The following ANO10 variants were observed in gnomAD, a reference collection of about 807,000 sequenced individuals.
ANO10 encodes the protein anoctamin 10, also known as anoctamin-10.
Under a neutral mutation model 74.7 loss-of-function variants are expected in ANO10, and 77 were observed. The ratio of observed to expected loss-of-function variants is 1.03; its 90% CI spans 0.86 to 1.25. The LOEUF is 1.25. Among genes scored for constraint, ANO10 ranks in the 50% most tolerant of loss-of-function variants. The pLI is 0.00. For synonymous variants in ANO10, 279 were observed against 284.9 expected, an observed-to-expected ratio of 0.98 and a Z score of 0.21; for missense variants, 721 against 778.1, an observed-to-expected ratio of 0.93 and a Z score of 0.87.
intron 4 of ANO10, among the ~76,000 whole-genome samples, chr3:43,595,794 T>C (rs765962839): frequency 7.2e-5 from 11 of 152,150 alleles, no homozygotes; most frequent in Non-Finnish European, 1.0e-4. Context: ...ATAAAGGGTA[T>C]TCAATTAGGA....
intron 12 of ANO10, among the ~76,000 whole-genome samples, chr3:43,414,955 C>T (rs1033697435): frequency 7.0e-6 from 1 of 143,588 alleles, no homozygotes; most frequent in Non-Finnish European, 1.5e-5. Flanking sequence ...TATGGTTGTT[C>T]CTGTCATTGT....
At chr3:43,584,463 G>A (rs746229168) in intron 4 of ANO10, among the ~76,000 whole-genome samples, 46 of 152,164 alleles carry the variant, frequency 3.0e-4, no homozygotes, top group Admixed American at 2.0e-3. Flanking sequence ...AGGGAGAGCC[G>A]ACCACGCAGC....
At chr3:43,593,322 T>C (rs2081901358) in intron 4 of ANO10, among the ~76,000 whole-genome samples, 1 of 152,026 alleles carries the variant, frequency 6.6e-6, no homozygotes, top group African/African-American at 2.4e-5. Flanking sequence ...TTCACCAAAG[T>C]TGAAATGAAG....
chr3:43,413,826 C>T (rs2092699902), intron 12 of ANO10, among the ~76,000 whole-genome samples: 1 of 151,662 alleles, frequency 6.6e-6, no homozygotes, highest in Non-Finnish European at 1.5e-5. Flanking sequence ...ACCTTGCCTG[C>T]TGTTACCAGG....
chr3:43,473,943 G>A (rs183547677), intron 11 of ANO10, among the ~76,000 whole-genome samples: 125 of 152,296 alleles, frequency 8.2e-4, no homozygotes, highest in African/African-American at 2.8e-3. Context: ...TGACAACACA[G>A]CTGGGCTGAG....
At chr3:43,640,409 C>A (rs567106228) in intron 1 of ANO10, among the ~76,000 whole-genome samples, 3 of 152,080 alleles carry the variant, frequency 2.0e-5, no homozygotes, top group Non-Finnish European at 4.4e-5. Flanking sequence ...TCAACCCTGG[C>A]CAGTGGAGAA....
chr3:43,555,802 G>A (rs955167338), intron 9 of ANO10, among the ~76,000 whole-genome samples: 2 of 151,950 alleles, frequency 1.3e-5, no homozygotes, highest in Non-Finnish European at 2.9e-5. Flanking sequence ...ATTAGTGTAA[G>A]TCAGAGTCCA....
At chr3:43,560,379 A>G (rs764251661) in intron 9 of ANO10, among the ~76,000 whole-genome samples, 1 of 152,218 alleles carries the variant, frequency 6.6e-6, no homozygotes, top group Non-Finnish European at 1.5e-5. Context: ...ACATGAACAT[A>G]CAAATTCCTA....
intron 1 of ANO10, among the ~76,000 whole-genome samples, chr3:43,650,789 T>A (rs2083778698): frequency 6.6e-6 from 1 of 152,216 alleles, no homozygotes; most frequent in Non-Finnish European, 1.5e-5. Context: ...AAATTTCCTG[T>A]CTGATAAATT....
At chr3:43,666,329 G>T (rs757693140) in intron 1 of ANO10, among the ~76,000 whole-genome samples, 1 of 152,110 alleles carries the variant, frequency 6.6e-6, no homozygotes, top group African/African-American at 2.4e-5. Flanking sequence ...CATGGAGTAT[G>T]AATTATCTCA....
At chr3:43,557,746 A>AG (rs1259748186) in intron 9 of ANO10, among the ~76,000 whole-genome samples, 1 of 151,178 alleles carries the variant, frequency 6.6e-6, no homozygotes, top group Admixed American at 6.6e-5. Context: ...AAAAAAAAAA[A>AG]AAAAAAAAAA....
chr3:43,648,500 T>C (rs1286757012), intron 1 of ANO10, among the ~76,000 whole-genome samples: 1 of 152,142 alleles, frequency 6.6e-6, no homozygotes, highest in African/African-American at 2.4e-5. Flanking sequence ...TCATTGATTA[T>C]ATGCTAAACA....
rs545954936 is a variant in ANO10, at chr3:43,432,735, CAAGA to C, written c.1798-12_1798-9del. 4.1e-5 allele frequency: 65 copies of C among 1,575,592 alleles called. 2 individuals are homozygous for C. The South Asian group carries it at 6.4e-4, about 16-fold the overall frequency. ...TAAAGCCAGGAGTGCGTGCTGAAAA[CAAGA>C]AAGAGTACATGTTGATGTGATACAT... is the stretch of plus-strand genomic sequence containing the variant. On this transcript the variant is annotated splice_polypyrimidine_tract_variant and intron_variant, in intron 11 of 12. Transcript: ENST00000292246.
intron 1 of ANO10, among the ~76,000 whole-genome samples, chr3:43,683,950 A>C (rs1275932098): frequency 1.3e-5 from 2 of 152,216 alleles, no homozygotes; most frequent in Non-Finnish European, 2.9e-5. Context: ...TAAAGACTTA[A>C]ATGTTAGACC....
intron 12 of ANO10, among the ~76,000 whole-genome samples, chr3:43,427,394 T>C (rs2092914664): frequency 1.3e-5 from 2 of 152,186 alleles, no homozygotes; most frequent in Non-Finnish European, 2.9e-5. Flanking sequence ...TCTAAGTACA[T>C]GTGTTTTTCA....
chr3:43,482,613 C>A (rs187024092), intron 11 of ANO10, among the ~76,000 whole-genome samples: 120 of 152,298 alleles, frequency 7.9e-4, no homozygotes, highest in African/African-American at 2.7e-3. Flanking sequence ...GACCCTGAAG[C>A]CTCTTCTCTG....
At chr3:43,435,855 T>A (rs2093058569) in intron 11 of ANO10, among the ~76,000 whole-genome samples, 2 of 152,152 alleles carry the variant, frequency 1.3e-5, no homozygotes, top group Non-Finnish European at 1.5e-5. Flanking sequence ...CCCCTACCCC[T>A]AGGCAAATAA....
intron 11 of ANO10, among the ~76,000 whole-genome samples, chr3:43,500,490 T>G (rs971023969): frequency 9.9e-5 from 15 of 152,226 alleles, no homozygotes; most frequent in African/African-American, 3.4e-4. Flanking sequence ...GGCCCAGTGT[T>G]GACATTCAAA....
chr3:43,565,081 A>T (rs2080245403), intron 8 of ANO10, among the ~76,000 whole-genome samples: 1 of 152,244 alleles, frequency 6.6e-6, no homozygotes, highest in Non-Finnish European at 1.5e-5. Context: ...CAGAATATTA[A>T]AACTGGGAAA....
Sources: allele counts gnomAD v4.1 joint callset (sites outside exome capture counted in the v4.1 genomes callset), GRCh38; gene constraint gnomAD v4.1.1; transcripts MANE v1.5; gene names NCBI Gene and HGNC (gene_info 2026-07-23, HGNC 2026-07-21).